Variants in BRINP3 observed in about 807,000 individuals in gnomAD.
BRINP3 encodes the protein BMP/retinoic acid inducible neural specific 3, also known as BMP/retinoic acid-inducible neural-specific protein 3.
BRINP3 carries 19 observed loss-of-function variants against 71.0 expected under a neutral mutation model. The observed-to-expected ratio is 0.27, with a 90% confidence interval of 0.19 to 0.39. The LOEUF is 0.39. BRINP3 is among the 10% of genes least tolerant of loss of function. The probability of loss-of-function intolerance (pLI) is 1.00; values close to 1 mark genes in which losing one functional copy is unlikely to be tolerated. For missense variants in BRINP3, 959 were observed against 940.8 expected (o/e 1.02, Z -0.25); for synonymous variants, 380 against 337.7 (o/e 1.13, Z -1.37).
intron 3 of BRINP3, among the ~76,000 whole-genome samples, chr1:190,277,539 T>A (rs1662690503): frequency 6.6e-6 from 1 of 151,694 alleles, no homozygotes; most frequent in African/African-American, 2.4e-5. Flanking sequence ...CTTAGTGTTT[T>A]GTCTTTTAAA....
intron 4 of BRINP3, among the ~76,000 whole-genome samples, chr1:190,240,097 C>A (rs4463673): frequency 6.6e-6 from 1 of 151,210 alleles, no homozygotes; most frequent in Non-Finnish European, 1.5e-5. Flanking sequence ...ACTAACTTGA[C>A]TAGGAACTAA....
chr1:190,247,398 T>C (rs998661669), intron 4 of BRINP3, among the ~76,000 whole-genome samples: 2 of 152,032 alleles, frequency 1.3e-5, no homozygotes, highest in Admixed American at 6.6e-5. Context: ...ATGGTAACAA[T>C]GTGCCAGTAT....
At chr1:190,321,202 T>G (rs1169696704) in intron 2 of BRINP3, among the ~76,000 whole-genome samples, 2 of 152,000 alleles carry the variant, frequency 1.3e-5, no homozygotes, top group African/African-American at 4.8e-5. Flanking sequence ...AGGGAAGAAT[T>G]AATCAAAGCT....
intron 2 of BRINP3, among the ~76,000 whole-genome samples, chr1:190,345,541 A>T (rs2103127367): frequency 6.6e-6 from 1 of 151,678 alleles, no homozygotes; most frequent in Admixed American, 6.6e-5. Flanking sequence ...TGTTATATGA[A>T]TTAAAATAGA....
At chr1:190,227,603 AT>A (rs1204260865) in intron 5 of BRINP3, among the ~76,000 whole-genome samples, 3 of 151,614 alleles carry the variant, frequency 2.0e-5, no homozygotes, top group African/African-American at 7.3e-5. Flanking sequence ...AAACAATTAT[AT>A]TAAGTTCACA....
At chr1:190,197,336 T>A (rs1024624213) in intron 6 of BRINP3, among the ~76,000 whole-genome samples, 2 of 152,100 alleles carry the variant, frequency 1.3e-5, no homozygotes, top group Non-Finnish European at 2.9e-5. Context: ...TCCTTACATT[T>A]CAAAGCCAAT....
intron 2 of BRINP3, among the ~76,000 whole-genome samples, chr1:190,380,445 T>C (rs1670475929): frequency 6.6e-6 from 1 of 152,170 alleles, no homozygotes; most frequent in Non-Finnish European, 1.5e-5. Context: ...AGATGGATAT[T>C]GGAATGGACG....
intron 2 of BRINP3, among the ~76,000 whole-genome samples, chr1:190,375,834 T>C (rs1394966827): frequency 6.6e-6 from 1 of 152,008 alleles, no homozygotes; most frequent in African/African-American, 2.4e-5. Flanking sequence ...TTTCACTATT[T>C]TGAGGACATA....
intron 4 of BRINP3, among the ~76,000 whole-genome samples, chr1:190,253,602 G>C (rs2102825487): frequency 6.6e-6 from 1 of 152,162 alleles, no homozygotes; most frequent in East Asian, 1.9e-4. Context: ...CATATCCTTG[G>C]CCGAGTTTTT....
chr1:190,330,456 A>G (rs76590362), intron 2 of BRINP3, among the ~76,000 whole-genome samples: 2,405 of 152,040 alleles, frequency 0.016, 60 homozygotes, highest in African/African-American at 0.055. Flanking sequence ...AGACATAATG[A>G]GTTTTATTAA....
intron 2 of BRINP3, among the ~76,000 whole-genome samples, chr1:190,425,403 T>C (rs527779094): frequency 6.6e-6 from 1 of 151,904 alleles, no homozygotes; most frequent in South Asian, 2.1e-4. Context: ...AAGCATAGCA[T>C]ACCTCCTAAT....
chr1:190,343,074 A>G (rs1447999372), intron 2 of BRINP3, among the ~76,000 whole-genome samples: 3 of 151,734 alleles, frequency 2.0e-5, no homozygotes, highest in East Asian at 3.9e-4. Flanking sequence ...ATCTACCATC[A>G]ATCAAAGTAC....
At chr1:190,151,766 TAA>T (rs1284617629) in intron 7 of BRINP3, among the ~76,000 whole-genome samples, 1 of 152,056 alleles carries the variant, frequency 6.6e-6, no homozygotes, top group East Asian at 1.9e-4. Flanking sequence ...AGAAGACAAC[TAA>T]AGAGGTGAGC....
intron 2 of BRINP3, among the ~76,000 whole-genome samples, chr1:190,430,792 T>C (rs868444895): frequency 9.2e-5 from 14 of 152,302 alleles, no homozygotes; most frequent in African/African-American, 3.4e-4. Context: ...AACCATAATT[T>C]AGCTTTATGA....
intron 2 of BRINP3, among the ~76,000 whole-genome samples, chr1:190,337,123 A>G (rs1667341924): frequency 6.6e-6 from 1 of 151,912 alleles, no homozygotes; most frequent in African/African-American, 2.4e-5. Context: ...TATGTTTAAC[A>G]CTCAAGTCTG....
At chr1:190,300,568 A>C (rs1664600894) in intron 2 of BRINP3, among the ~76,000 whole-genome samples, 1 of 152,156 alleles carries the variant, frequency 6.6e-6, no homozygotes, top group African/African-American at 2.4e-5. Context: ...CCCAGCACGC[A>C]GCTGGAGATC....
At chr1:190,461,413 C>G (rs1469966623) in intron 1 of BRINP3, among the ~76,000 whole-genome samples, 1 of 152,138 alleles carries the variant, frequency 6.6e-6, no homozygotes, top group Non-Finnish European at 1.5e-5. Context: ...CATGACCCTA[C>G]AAAGTTGGTT....
intron 2 of BRINP3, among the ~76,000 whole-genome samples, chr1:190,326,327 G>A (rs952052128): frequency 2.0e-5 from 3 of 152,028 alleles, no homozygotes; most frequent in African/African-American, 7.2e-5. Flanking sequence ...ATTCCTGAGA[G>A]AGAAGGAGAA....
At chr1:190,470,766 C>T (rs1401946085) in intron 1 of BRINP3, among the ~76,000 whole-genome samples, 1 of 150,998 alleles carries the variant, frequency 6.6e-6, no homozygotes, top group African/African-American at 2.4e-5. Flanking sequence ...TGAACACAAA[C>T]ATGTATTTCA....
Sources: allele counts gnomAD v4.1 joint callset (sites outside exome capture counted in the v4.1 genomes callset), GRCh38; gene constraint gnomAD v4.1.1; transcripts MANE v1.5; gene names NCBI Gene and HGNC (gene_info 2026-07-23, HGNC 2026-07-21).